Variants in CREBBP observed in about 807,000 individuals in gnomAD.
CREBBP encodes CREB binding lysine acetyltransferase, also known as CREB-binding protein.
CREBBP carries 19 observed loss-of-function variants against 265.0 expected under a neutral mutation model. That is an observed-to-expected ratio of 0.07 (90% CI 0.05 to 0.11). The LOEUF (loss-of-function observed/expected upper bound fraction) is 0.11. CREBBP is among the 10% of genes least tolerant of loss of function. CREBBP has a pLI of 1.00. For synonymous variants in CREBBP, 1,457 were observed against 1,223.7 expected, an observed-to-expected ratio of 1.19 and a Z score of -3.98; for missense variants, 2,525 against 3,219.0, an observed-to-expected ratio of 0.78 and a Z score of 5.22.
At chr16:3,777,303 C>G (rs1236333210) in intron 11 of CREBBP, among the ~76,000 whole-genome samples, 3 of 151,732 alleles carry the variant, frequency 2.0e-5, no homozygotes, top group Admixed American at 6.6e-5. Flanking sequence ...CCACTGCACT[C>G]CAGCCTGGGC....
At chr16:3,774,852 C>T in intron 11 of CREBBP, 159 bp from the exon 12 acceptor site, 2 of 957,492 alleles carry the variant, frequency 2.1e-6, no homozygotes, top group Non-Finnish European at 1.6e-6. Context: ...GATGAAGGAA[C>T]AGACTTCTCC....
chr16:3,762,688 G>A (rs2052751472), intron 16 of CREBBP, among the ~76,000 whole-genome samples: 1 of 152,052 alleles, frequency 6.6e-6, no homozygotes, highest in Admixed American at 6.6e-5. Flanking sequence ...GTCTCATATC[G>A]CAGTCCCCAG....
chr16:3,788,799 A>T (rs992221321), intron 5 of CREBBP, among the ~76,000 whole-genome samples: 1 of 152,208 alleles, frequency 6.6e-6, no homozygotes, highest in Admixed American at 6.5e-5. Context: ...AAAAAATACA[A>T]AAATTAGCCA....
intron 3 of CREBBP, among the ~76,000 whole-genome samples, chr16:3,795,396 AT>A (rs1280859354): frequency 2.0e-5 from 3 of 152,186 alleles, no homozygotes; most frequent in African/African-American, 7.2e-5. Flanking sequence ...TCTTTTTTCT[AT>A]ATAAATGTTT....
chr16:3,855,050 A>G (rs926511377), intron 1 of CREBBP, among the ~76,000 whole-genome samples: 11 of 152,216 alleles, frequency 7.2e-5, no homozygotes, highest in African/African-American at 2.7e-4. Flanking sequence ...ACAATACTGA[A>G]TATACTGCCC....
intron 3 of CREBBP, among the ~76,000 whole-genome samples, chr16:3,800,496 G>C (rs567617031): frequency 3.3e-5 from 5 of 151,946 alleles, no homozygotes; most frequent in South Asian, 4.2e-4. Context: ...TTTTAATTTA[G>C]ACTTTTCCCA....
At chr16:3,828,532 CTTTCA>C in intron 2 of CREBBP, among the ~76,000 whole-genome samples, 1 of 152,324 alleles carries the variant, frequency 6.6e-6, no homozygotes, top group South Asian at 2.1e-4. Flanking sequence ...GCAGTAAATT[CTTTCA>C]TTTGACAAAA....
At chr16:3,749,528 A>G (rs778997134) in intron 21 of CREBBP, 99 bp downstream of exon 21, 10 of 785,714 alleles carry the variant, frequency 1.3e-5, no homozygotes, top group African/African-American at 3.5e-5. Context: ...TTACGGCAAC[A>G]TATTTCCAAT....
At position 3,773,946 on chromosome 16, in the gene CREBBP, C is replaced by T. The variant is rs759251211; in HGVS notation, c.2284-16G>A. On this transcript the variant is annotated splice_polypyrimidine_tract_variant and intron_variant, in intron 12 of 30. Transcript: ENST00000262367. ...AAATGGCCATCTACGAGACAACAAGCACCACCAGAGCTGTAGTTCGGAAGC... is the reference window on the plus strand; with the variant it reads ...AAATGGCCATCTACGAGACAACAAGTACCACCAGAGCTGTAGTTCGGAAGC... The T allele has an allele frequency of 7.4e-6, 12 of 1,612,014 alleles. No homozygotes were observed. The highest frequency in any genetic ancestry group is 9.3e-6 in the Non-Finnish European group (11 of 1,179,990).
At chr16:3,792,914 C>T (rs1031539144) in intron 4 of CREBBP, among the ~76,000 whole-genome samples, 17 of 152,240 alleles carry the variant, frequency 1.1e-4, no homozygotes, top group Non-Finnish European at 2.1e-4. Context: ...AGGACAACTT[C>T]GCTGTCATCC....
intron 28 of CREBBP, among the ~76,000 whole-genome samples, chr16:3,735,095 C>T (rs1039927649): frequency 1.4e-4 from 21 of 152,344 alleles, no homozygotes; most frequent in African/African-American, 2.2e-4. Flanking sequence ...CGCACAAACC[C>T]GCACACAGCG....
At chr16:3,748,466 CCTGT>C (rs953963362) in intron 21 of CREBBP, among the ~76,000 whole-genome samples, 8 of 152,210 alleles carry the variant, frequency 5.3e-5, no homozygotes, top group Admixed American at 3.3e-4. Context: ...ACATCATCGT[CCTGT>C]CTGTGTACCA....
At position 3,731,831 on chromosome 16, in the gene CREBBP, T is replaced by C. The variant is rs764431514; in HGVS notation, c.4835A>G (p.Asn1612Ser). The part of the protein sequence containing the change: ...RANKKKPSMP[N>S]VSNDLSQKLY... Reference sequence around the variant, plus strand: ...CTTCTGGGACAGGTCATTGGACACGTTGGGCATGCTGGGCTTCTTCTTGTT... The same window carrying C: ...CTTCTGGGACAGGTCATTGGACACGCTGGGCATGCTGGGCTTCTTCTTGTT... Residue 1612 changes from asparagine (N) to serine (S), a missense_variant, in exon 29 of 31, where the codon AAC becomes AGC. Coordinates refer to ENST00000262367, the MANE Select transcript of CREBBP (RefSeq NM_004380.3). This position sits in a 1 kb window ranked among gnomAD's most constrained non-coding sequence, Gnocchi z 7.7. The C allele has an allele frequency of 1.7e-5, 27 of 1,614,240 alleles. No homozygotes were observed. The East Asian group carries it at 2.7e-4, about 16-fold the overall frequency.
chr16:3,802,377 C>T (rs534800246), intron 3 of CREBBP, among the ~76,000 whole-genome samples: 1 of 152,064 alleles, frequency 6.6e-6, no homozygotes, highest in South Asian at 2.1e-4. Flanking sequence ...AGTGATCCAC[C>T]CGCCTTGGCC....
chr16:3,738,463 C>T (rs771291426), intron 26 of CREBBP, 96 bp downstream of exon 26: 16 of 789,822 alleles, frequency 2.0e-5, no homozygotes, highest in South Asian at 4.5e-5. Flanking sequence ...AAAATAAAAA[C>T]GCATAAAACT....
In CREBBP at chr16:3,725,495, G is replaced by A. The variant is rs573633262; in HGVS notation, c.*2223C>T. 7.4e-4 allele frequency: 173 copies of A among 233,280 alleles called. No individual in the cohort carries two copies. The highest frequency in any genetic ancestry group is 1.3e-3 in the Non-Finnish European group (151 of 118,018). 14.5% of individuals were successfully genotyped at this position (233,280 alleles called of 1,614,324 possible). ...ACACATGGCTCAAGGTTTCCCTACGGGTGGAAAAGATGAAGAGGACACTGG... is the reference window on the plus strand; with the variant it reads ...ACACATGGCTCAAGGTTTCCCTACGAGTGGAAAAGATGAAGAGGACACTGG... On this transcript the variant is annotated 3_prime_UTR_variant, in exon 31 of 31. Coordinates refer to ENST00000262367, the MANE Select transcript of CREBBP (RefSeq NM_004380.3).
chr16:3,848,154 A>C (rs1211594043), intron 2 of CREBBP, among the ~76,000 whole-genome samples: 1 of 151,692 alleles, frequency 6.6e-6, no homozygotes, highest in Non-Finnish European at 1.5e-5. Flanking sequence ...ACTGGGCAAC[A>C]GTGAAACTCC....
chr16:3,809,667 G>T (rs1032517206), intron 3 of CREBBP, among the ~76,000 whole-genome samples: 1 of 152,148 alleles, frequency 6.6e-6, no homozygotes, highest in Non-Finnish European at 1.5e-5. Flanking sequence ...AAAGACCAAG[G>T]TTATGTAAGA....
rs1466464050 is a variant in CREBBP at position 3,774,673 on chromosome 16, T to C, written c.2179A>G (p.Met727Val). 1.2e-6 allele frequency: 2 copies of C among 1,614,204 alleles called. No homozygotes were observed. Among genetic ancestry groups the C allele is most frequent in the South Asian group, 1.1e-5 (1 of 91,084 alleles). The change falls in exon 12 of 31, where the codon ATG (methionine) becomes GTG (valine). Residue 727 changes from methionine (M) to valine (V), a missense_variant. This residue lies in a region of CREBBP where 548 missense variants were observed against 533.0 expected (regional missense o/e 1.03). Transcript: ENST00000262367. The stretch of plus-strand genomic sequence containing the variant: ...GGCAACTGGACGTTCCCCAAGGACA[T>C]GGGGTTAAATGAATTCATCCCTGTA... ...VSQGMNSFNP[M>V]SLGNVQLPQA...
Sources: gnomAD v4.1 joint callset for allele counts (sites outside exome capture counted in the v4.1 genomes callset) on GRCh38, gnomAD v4.1.1 for gene constraint, gnomAD v4.1.1 regional missense constraint, Gnocchi (gnomAD v3.1) non-coding constraint, MANE v1.5 for transcripts, NCBI Gene and HGNC (gene_info 2026-07-23, HGNC 2026-07-21) for gene names.